The following PGS1 variants were observed in gnomAD, a reference collection of about 807,000 sequenced individuals.
PGS1 encodes CDP-diacylglycerol--glycerol-3-phosphate 3-phosphatidyltransferase, mitochondrial.
In PGS1, 44 loss-of-function variants were observed where a neutral mutation model predicts 58.3. The observed-to-expected ratio is 0.75, with a 90% CI of 0.59 to 0.97. PGS1 has a LOEUF of 0.97. Among genes scored for constraint, PGS1 ranks in the 50% least tolerant of loss-of-function variants. The pLI is 0.00. For missense variants in PGS1, 684 were observed against 731.1 expected (o/e 0.94, Z 0.74); for synonymous variants, 330 against 311.0 (o/e 1.06, Z -0.64).
chr17:78,412,188 A>G (rs2084772463), intron 7 of PGS1, among the ~76,000 whole-genome samples: 1 of 152,000 alleles, frequency 6.6e-6, no homozygotes, highest in Non-Finnish European at 1.5e-5. Context: ...GCATCTCTGG[A>G]CCTGGCAGGT....
At chr17:78,395,638 G>GGCAA (rs1316828922) in intron 2 of PGS1, among the ~76,000 whole-genome samples, 1 of 152,170 alleles carries the variant, frequency 6.6e-6, no homozygotes, top group Admixed American at 6.5e-5. Context: ...ATCATCTTGG[G>GGCAA]GCACTGATGT....
At chr17:78,388,175 C>T (rs1328783895) in intron 1 of PGS1, among the ~76,000 whole-genome samples, 1 of 152,176 alleles carries the variant, frequency 6.6e-6, no homozygotes, top group Non-Finnish European at 1.5e-5. Context: ...GGCCTGAGGC[C>T]CTCGTGGAAC....
At position 78,400,725 on chromosome 17, in the gene PGS1, G is replaced by A. The variant is rs772092140; in HGVS notation, c.750G>A (p.Val250=). 19 of 1,613,920 alleles carry A rather than the reference G, an allele frequency of 1.2e-5. No homozygotes were observed. The South Asian group carries it at 1.2e-4, about 10-fold the overall frequency. The change falls in exon 6 of 10, where the codon GTG becomes GTA. Residue 250 remains valine, a synonymous_variant. Transcript: ENST00000262764. The surrounding 1 kb of genome is among the most constrained non-coding windows in gnomAD (Gnocchi z 4.4). ...TCACCAACCGCCAGGACCGCTACGTGTTCCTGCAGGACTGTGCGGAGATTG... is the reference window on the plus strand; with the variant it reads ...TCACCAACCGCCAGGACCGCTACGTATTCCTGCAGGACTGTGCGGAGATTG... ...SYFTNRQDRY[V]FLQDCAEIAD... is the part of the protein sequence containing the mutation.
At chr17:78,418,785 C>T (rs2085431771) in intron 8 of PGS1, among the ~76,000 whole-genome samples, 1 of 152,108 alleles carries the variant, frequency 6.6e-6, no homozygotes, top group Non-Finnish European at 1.5e-5. Context: ...ACTAAGCGTT[C>T]ATCAGTGTGG....
chr17:78,389,827 G>T (rs2082688538), intron 1 of PGS1, among the ~76,000 whole-genome samples: 1 of 151,838 alleles, frequency 6.6e-6, no homozygotes, highest in Admixed American at 6.6e-5. Flanking sequence ...TATTGGCCAG[G>T]CTGGTTTTGA....
rs60925600 is a variant in PGS1 at position 78,386,981 on chromosome 17, G to A, written c.144-5495G>A. Among the ~76,000 whole-genome samples, 630 of 111,476 alleles carry A rather than the reference G, an allele frequency of 5.7e-3. 3 individuals are homozygous for A. Among genetic ancestry groups the A allele is most frequent in the African/African-American group, 0.022 (548 of 24,524 alleles). 73.1% of individuals were successfully genotyped at this position (111,476 alleles called of 152,430 possible). ...GATGATGATGATGATGATGATGATG[G>A]TGATGATGGTGATGATGATGATGAT... On this transcript the variant is annotated intron_variant, in intron 1 of 9. Transcript: ENST00000262764.
intron 9 of PGS1, 52 bp from the exon 10 acceptor site, chr17:78,424,009 G>A (rs1456862553): frequency 3.7e-6 from 6 of 1,613,952 alleles, no homozygotes; most frequent in East Asian, 2.2e-5. Flanking sequence ...GCGGATGCGT[G>A]TTTTGTACAC....
At chr17:78,387,749 G>A (rs564352022) in intron 1 of PGS1, among the ~76,000 whole-genome samples, 1 of 151,924 alleles carries the variant, frequency 6.6e-6, no homozygotes, top group Non-Finnish European at 1.5e-5. Context: ...ACAGGTGCAC[G>A]CCACCATGCC....
chr17:78,399,415 CCT>C lies in PGS1; in HGVS notation c.582_583del (p.Phe195SerfsTer15). ...RRFPEQVRVS[L>X]FHTPHLRGLL... ...GGTTCCCAGAGCAGGTCCGAGTCTC[CCT>C]CTTTCACACGCCGCACCTCCGTGGG... On this transcript the variant is annotated frameshift_variant, in exon 5 of 10. Coordinates refer to ENST00000262764, the MANE Select transcript of PGS1 (RefSeq NM_024419.5). LOFTEE classifies it high-confidence loss of function. The C allele has an allele frequency of 6.2e-7, 1 of 1,614,136 alleles. No homozygotes were observed. The highest frequency in any genetic ancestry group is 8.5e-7 in the Non-Finnish European group (1 of 1,180,036).
intron 1 of PGS1, among the ~76,000 whole-genome samples, chr17:78,390,062 T>TCCCCCGCCCCCCCCCCCCCC (rs146628679): frequency 7.8e-6 from 1 of 128,602 alleles, no homozygotes; most frequent in Non-Finnish European, 1.7e-5. Flanking sequence ...TGTTGCCTGT[T>TCCCCCGCCCCCCCCCCCCCC]CCCCCGCCCC....
intron 6 of PGS1, 145 bp from the exon 7 acceptor site, chr17:78,403,423 G>C (rs910307875): frequency 1.1e-6 from 1 of 893,796 alleles, no homozygotes; most frequent in Admixed American, 2.3e-5. Context: ...TCTGGGCTTG[G>C]GGTCCTGGGC....
intron 9 of PGS1, chr17:78,421,025 GAAGTCC>G (rs1462360876): frequency 6.6e-6 from 1 of 152,188 alleles, no homozygotes; most frequent in Non-Finnish European, 1.5e-5. Flanking sequence ...TATTTGACTT[GAAGTCC>G]AATTAAGGAC....
chr17:78,384,899 C>T lies in PGS1; in HGVS notation c.143+6091C>T, dbSNP rs180861232. Among the ~76,000 whole-genome samples the T allele has an allele frequency of 6.4e-4, 98 of 152,274 alleles. 1 individual carries two copies. The Middle Eastern group carries it at 0.024, about 37-fold the overall frequency. Reference sequence around the variant, plus strand: ...GGACGTCTAAAGGTGCAGTGTAGACCGCGGTGTAATTCCCTGGTGTTTGCT... The same window carrying T: ...GGACGTCTAAAGGTGCAGTGTAGACTGCGGTGTAATTCCCTGGTGTTTGCT... On this transcript the variant is annotated intron_variant, in intron 1 of 9. Transcript: ENST00000262764.
chr17:78,400,706 A>T lies in PGS1; in HGVS notation c.731A>T (p.Asn244Ile). 6.2e-7 allele frequency: 1 copy of T among 1,613,466 alleles called. No homozygotes were observed. Among genetic ancestry groups the T allele is most frequent in the Non-Finnish European group, 8.5e-7 (1 of 1,179,826 alleles). The change falls in exon 6 of 10, where the codon AAC becomes ATC. Residue 244 changes from asparagine to isoleucine, a missense_variant. Transcript: ENST00000262764. The surrounding 1 kb of genome is among the most constrained non-coding windows in gnomAD (Gnocchi z 4.4). ...AACCTGAGTGACTCCTACTTCACCA[A>T]CCGCCAGGACCGCTACGTGTTCCTG... ...GANLSDSYFT[N>I]RQDRYVFLQD...
At chr17:78,419,480 C>T (rs1598396414) in intron 8 of PGS1, 66 bp from the exon 9 acceptor site, 1 of 1,446,396 alleles carries the variant, frequency 6.9e-7, no homozygotes, top group African/African-American at 1.4e-5. Context: ...GGGCTGGGGC[C>T]AGCCGGCCAT....
chr17:78,412,666 T>G (rs2084817356), intron 7 of PGS1, among the ~76,000 whole-genome samples: 1 of 152,086 alleles, frequency 6.6e-6, no homozygotes, highest in Non-Finnish European at 1.5e-5. Flanking sequence ...AGCTGTGGGG[T>G]GGACACCGAG....
In PGS1 at chr17:78,378,878, C is replaced by T; in HGVS notation, c.143+70C>T. 3.7e-6 allele frequency: 5 copies of T among 1,337,100 alleles called. No homozygotes were observed. The South Asian group carries it at 7.1e-5, about 19-fold the overall frequency. The allele number at this position is 1,337,100 out of a possible 1,614,324, so 82.8% of individuals were successfully genotyped here. ...GCCCGGCCCCCCGGCGCTCAAACTC[C>T]CGGCCCCAGCGTCCTGGGCATCCGC... On this transcript the variant is annotated intron_variant, in intron 1 of 9. Coordinates refer to ENST00000262764, the MANE Select transcript of PGS1 (RefSeq NM_024419.5).
At chr17:78,382,994 A>G (rs2082143441) in intron 1 of PGS1, among the ~76,000 whole-genome samples, 1 of 152,158 alleles carries the variant, frequency 6.6e-6, no homozygotes, top group African/African-American at 2.4e-5. Flanking sequence ...TGGGAAATGT[A>G]TCATGAAGGC....
In PGS1 at chr17:78,414,931, C is replaced by T. The variant is rs766843257; in HGVS notation, c.1455C>T (p.Gly485=). 2 of 1,614,108 alleles carry T rather than the reference C, an allele frequency of 1.2e-6. No individual in the cohort carries two copies. The highest frequency in any genetic ancestry group is 1.1e-5 in the South Asian group (1 of 91,068). Residue 485 remains glycine (G), a synonymous_variant, in exon 8 of 10, where the codon GGC becomes GGT. Coordinates refer to ENST00000262764, the MANE Select transcript of PGS1 (RefSeq NM_024419.5). ...GCCTGCCCTGTCTCACGCTGATTGG[C>T]TCTCCTAATTTTGGGTACAGGTCAG... The part of the protein sequence containing the change: ...GSSLPCLTLI[G]SPNFGYRSVH...
Sources: gnomAD v4.1 joint callset for allele counts (sites outside exome capture counted in the v4.1 genomes callset) on GRCh38, gnomAD v4.1.1 for gene constraint, Gnocchi (gnomAD v3.1) non-coding constraint, MANE v1.5 for transcripts, NCBI Gene and HGNC (gene_info 2026-07-23, HGNC 2026-07-21) for gene names.